Variants in DRD3 observed in about 807,000 individuals in gnomAD.
DRD3 encodes dopamine receptor D3.
A neutral mutation model predicts 36.3 loss-of-function variants in DRD3; 19 were observed. The observed-to-expected ratio is 0.52, with a 90% CI of 0.36 to 0.77. The LOEUF is 0.77. Among genes scored for constraint, DRD3 ranks in the 30% least tolerant of loss-of-function variants. DRD3 has a pLI of 0.00. For missense variants in DRD3, 465 were observed against 505.3 expected (o/e 0.92, Z 0.77); for synonymous variants, 195 against 203.7 (o/e 0.96, Z 0.36).
intron 4 of DRD3, among the ~76,000 whole-genome samples, chr3:114,143,750 A>C (rs896259370): frequency 1.3e-5 from 2 of 152,204 alleles, no homozygotes; most frequent in African/African-American, 4.8e-5. Context: ...AAATCAAATA[A>C]ATAGCACTCC....
chr3:114,141,140 TCCTG>T (rs943754058), intron 4 of DRD3, among the ~76,000 whole-genome samples: 2 of 152,238 alleles, frequency 1.3e-5, no homozygotes, highest in Non-Finnish European at 2.9e-5. Flanking sequence ...CAAGCGATTC[TCCTG>T]CCTCAGCCTC....
intron 5 of DRD3, among the ~76,000 whole-genome samples, chr3:114,135,739 G>T (rs1354709482): frequency 6.6e-6 from 1 of 152,078 alleles, no homozygotes; most frequent in East Asian, 1.9e-4. Flanking sequence ...GCCCAGGCTG[G>T]AGTGTAGTGG....
chr3:114,149,045 A>G (rs2077593803), intron 3 of DRD3, among the ~76,000 whole-genome samples: 1 of 152,234 alleles, frequency 6.6e-6, no homozygotes, highest in Non-Finnish European at 1.5e-5. Context: ...TTTATTCAAT[A>G]TTTATTGAGT....
intron 5 of DRD3, among the ~76,000 whole-genome samples, chr3:114,135,578 G>C (rs1223256930): frequency 6.6e-6 from 1 of 151,838 alleles, no homozygotes; most frequent in East Asian, 1.9e-4. Flanking sequence ...AACATTTTTT[G>C]GTTTTTAGTT....
intron 1 of DRD3, among the ~76,000 whole-genome samples, chr3:114,191,342 G>A (rs778145094): frequency 6.6e-6 from 1 of 152,188 alleles, no homozygotes; most frequent in Non-Finnish European, 1.5e-5. Flanking sequence ...TGAAAGACAA[G>A]GGGCAGCCAA....
intron 6 of DRD3, among the ~76,000 whole-genome samples, chr3:114,130,746 A>G (rs988355582): frequency 6.6e-6 from 1 of 152,198 alleles, no homozygotes; most frequent in African/African-American, 2.4e-5. Context: ...ATTTTATCAT[A>G]CCATATCACA....
upstream of DRD3, among the ~76,000 whole-genome samples, chr3:114,182,218 A>G (rs926719857): frequency 1.3e-5 from 2 of 152,204 alleles, no homozygotes; most frequent in Admixed American, 6.5e-5. Flanking sequence ...TTCCTCTCCA[A>G]TGAGATCTGG....
intron 1 of DRD3, among the ~76,000 whole-genome samples, chr3:114,174,737 C>A (rs1050358562): frequency 9.2e-5 from 14 of 151,394 alleles, no homozygotes; most frequent in African/African-American, 3.4e-4. Flanking sequence ...TCAACTTCCT[C>A]CCTGCTTAGA....
At position 114,171,783 on chromosome 3, in the gene DRD3, G is replaced by A. The variant is rs1413148350; in HGVS notation, c.210C>T (p.Ser70=). ...CCACCAGCAAGTCTGCCACAGCCAGGCTCACTACTAAGTAGTTGGTGGTAG... is the reference window on the plus strand; with the variant it reads ...CCACCAGCAAGTCTGCCACAGCCAGACTCACTACTAAGTAGTTGGTGGTAG... ...LQTTTNYLVV[S]LAVADLLVAT... Residue 70 remains serine (S), a synonymous_variant, in exon 2 of 7, where the codon AGC becomes AGT. Transcript: ENST00000383673. 1 of 1,613,474 alleles carries A rather than the reference G, an allele frequency of 6.2e-7. No individual in the cohort carries two copies. Among genetic ancestry groups the A allele is most frequent in the East Asian group, 2.2e-5 (1 of 44,844 alleles).
intron 6 of DRD3, among the ~76,000 whole-genome samples, chr3:114,129,346 A>C (rs7632193): frequency 0.44 from 67,210 of 151,970 alleles, 15,046 homozygotes; most frequent in Non-Finnish European, 0.48. Context: ...CCATCTCAAA[A>C]AAAACAAAAC....
intron 1 of DRD3, among the ~76,000 whole-genome samples, chr3:114,172,998 G>A (rs1490547699): frequency 6.6e-6 from 1 of 152,020 alleles, no homozygotes; most frequent in Non-Finnish European, 1.5e-5. Context: ...TTCATATGTA[G>A]AAATCCTAAT....
chr3:114,152,439 T>G (rs372160306), intron 3 of DRD3, among the ~76,000 whole-genome samples: 1 of 152,240 alleles, frequency 6.6e-6, no homozygotes, highest in African/African-American at 2.4e-5. Context: ...GTGACAAAGA[T>G]TTTTGTTCAC....
intron 3 of DRD3, among the ~76,000 whole-genome samples, chr3:114,154,155 T>C (rs2654760): frequency 0.98 from 149,012 of 152,284 alleles, 72,982 homozygotes; most frequent in Middle Eastern, 1. Context: ...CATTTCCACT[T>C]AAATGAGATA....
intron 2 of DRD3, among the ~76,000 whole-genome samples, chr3:114,169,099 T>C (rs1475082651): frequency 2.6e-5 from 4 of 151,906 alleles, no homozygotes; most frequent in Non-Finnish European, 5.9e-5. Flanking sequence ...AACTGTACTA[T>C]CATTAGGACA....
At position 114,172,001 on chromosome 3, in the gene DRD3, G is replaced by A; in HGVS notation, c.-9C>T. On this transcript the variant is annotated 5_prime_UTR_variant, in exon 2 of 7. Transcript: ENST00000383673. ...TGGCTCAGAGATGCCATAGCCCAGA[G>A]GGAGGTGCGTGATGCCAAGGGGCTT... is the stretch of plus-strand genomic sequence containing the variant. 1 of 1,433,980 alleles carries A rather than the reference G, an allele frequency of 7.0e-7. No individual in the cohort carries two copies. The highest frequency in any genetic ancestry group is 1.6e-5 in the South Asian group (1 of 63,128). 88.8% of individuals were successfully genotyped at this position (1,433,980 alleles called of 1,614,324 possible). A position where few individuals can be genotyped will look rare whatever the true frequency, so the allele number is the denominator to read the frequency against.
At position 114,133,464 on chromosome 3, in the gene DRD3, GGTT is replaced by G. The variant is rs1432090824; in HGVS notation, c.724-2067_724-2065del. Among the ~76,000 whole-genome samples the G allele has an allele frequency of 2.0e-5, 3 of 151,846 alleles. No individual in the cohort carries two copies. In the East Asian group the frequency reaches 5.8e-4, roughly 29 times the overall value. On this transcript the variant is annotated intron_variant, in intron 5 of 6. Transcript: ENST00000383673. Reference sequence around the variant, plus strand: ...TGAGGCTGCCTGATGGCTACTGGGGGGTTGTTATATTTGTCTACTTTTTTATTT... The same window carrying G: ...TGAGGCTGCCTGATGGCTACTGGGGGGTTATATTTGTCTACTTTTTTATTT...
chr3:114,129,560 A>G (rs2077408829), intron 6 of DRD3, among the ~76,000 whole-genome samples: 1 of 152,170 alleles, frequency 6.6e-6, no homozygotes, highest in African/African-American at 2.4e-5. Flanking sequence ...TATGCAAAAC[A>G]TGATCCTAGG....
chr3:114,168,823 G>T (rs1310483041), intron 2 of DRD3, among the ~76,000 whole-genome samples: 1 of 152,196 alleles, frequency 6.6e-6, no homozygotes, highest in East Asian at 1.9e-4. Flanking sequence ...AATATTTACA[G>T]CCAAAACATT....
In DRD3 at chr3:114,193,598, C is replaced by T. The variant is rs547861214; in HGVS notation, c.-156+5675G>A. Among the ~76,000 whole-genome samples, 25 of 152,278 alleles carry T rather than the reference C, an allele frequency of 1.6e-4. No homozygotes were observed. In the South Asian group the frequency reaches 4.6e-3, roughly 28 times the overall value. ...ATAGAGCATTTCTATTGCATATGGC[C>T]ACCTCCTATGAATGGAGAGTAAGGG... On this transcript the variant is annotated intron_variant, in intron 1 of 7. Coordinates refer to the DRD3 transcript ENST00000460779.
Sources: gnomAD v4.1 joint callset for allele counts (sites outside exome capture counted in the v4.1 genomes callset) on GRCh38, gnomAD v4.1.1 for gene constraint, MANE v1.5 for transcripts, NCBI Gene and HGNC (gene_info 2026-07-23, HGNC 2026-07-21) for gene names.